NPC1L1: variants seen among roughly 807,000 people sequenced by gnomAD.
The protein encoded by NPC1L1 is NPC1-like intracellular cholesterol transporter 1.
Under a neutral mutation model 117.0 loss-of-function variants are expected in NPC1L1, and 98 were observed. The observed-to-expected ratio is 0.84, with a 90% CI of 0.71 to 0.99. The LOEUF is 0.99. Ranked by LOEUF, NPC1L1 falls within the 50% of genes least tolerant of loss-of-function variation. NPC1L1 has a pLI of 0.00. For synonymous variants in NPC1L1, 729 were observed against 727.6 expected, an observed-to-expected ratio of 1.00 and a Z score of -0.03; for missense variants, 1,540 against 1,710.0, an observed-to-expected ratio of 0.90 and a Z score of 1.75.
chr7:44,517,705 A>C (rs1233671548), intron 14 of NPC1L1, among the ~76,000 whole-genome samples: 1 of 152,212 alleles, frequency 6.6e-6, no homozygotes, highest in African/African-American at 2.4e-5. Context: ...TTTAATTTGC[A>C]TATTCCTATA....
At chr7:44,524,320 TATAAGA>T (rs1801443315) in intron 10 of NPC1L1, among the ~76,000 whole-genome samples, 1 of 152,054 alleles carries the variant, frequency 6.6e-6, no homozygotes, top group Non-Finnish European at 1.5e-5. Context: ...GCTACCACAT[TATAAGA>T]ATCAAATGTC....
At chr7:44,527,330 T>G (rs1451194634) in intron 10 of NPC1L1, among the ~76,000 whole-genome samples, 1 of 151,426 alleles carries the variant, frequency 6.6e-6, no homozygotes, top group East Asian at 2.0e-4. Flanking sequence ...TGGTGGCACA[T>G]GCCTGTAATC....
At position 44,539,485 on chromosome 7, in the gene NPC1L1, T is replaced by C. The variant is rs773612557; in HGVS notation, c.912A>G (p.Gly304=). The change falls in exon 2 of 19, where the codon GGA becomes GGG. Residue 304 remains glycine, a synonymous_variant. Transcript: ENST00000381160. The surrounding 1 kb of genome is among the most constrained non-coding windows in gnomAD (Gnocchi z 4.4). Reference sequence around the variant, plus strand: ...TGTCCCTGGCGGGGGCCACACGGAATCCCACAAGCAGGATGGTGACCACAG... The same window carrying C: ...TGTCCCTGGCGGGGGCCACACGGAACCCCACAAGCAGGATGGTGACCACAG... The part of the protein sequence containing the change: ...VFAVVTILLV[G]FRVAPARDKS... 1 of 1,613,792 alleles carries C rather than the reference T, an allele frequency of 6.2e-7. No homozygotes were observed. The highest frequency in any genetic ancestry group is 1.1e-5 in the South Asian group (1 of 91,066).
chr7:44,540,679 C>T (rs938244447), intron 1 of NPC1L1, among the ~76,000 whole-genome samples: 1 of 152,042 alleles, frequency 6.6e-6, no homozygotes, highest in Admixed American at 6.6e-5. Flanking sequence ...TACACCACAT[C>T]CAGAGGCCAG....
chr7:44,517,256 G>A lies in NPC1L1; in HGVS notation c.3238C>T (p.Leu1080=). The A allele has an allele frequency of 6.2e-7, 1 of 1,614,108 alleles. No homozygotes were observed. The highest frequency in any genetic ancestry group is 8.5e-7 in the Non-Finnish European group (1 of 1,180,014). ...RELAANITAD[L]RKVPGTDPAF... Reference sequence around the variant, plus strand: ...GGGTCTGTTCCAGGCACTTTCCGCAGGTCAGCAGTGATGTTGGCTGCCAGC... The same window carrying A: ...GGGTCTGTTCCAGGCACTTTCCGCAAGTCAGCAGTGATGTTGGCTGCCAGC... The change falls in exon 15 of 19, where the codon CTG becomes TTG. Residue 1080 remains leucine (L), a synonymous_variant. Transcript: ENST00000381160.
rs776843211 is a variant in NPC1L1, at chr7:44,513,396, C to T, written c.*51G>A. On this transcript the variant is annotated 3_prime_UTR_variant, in exon 19 of 19. Coordinates refer to ENST00000381160, the MANE Select transcript of NPC1L1 (RefSeq NM_001101648.2). ...AAGGGGCAGTCACAAGGAAGATCCC[C>T]ATAACCCTTTGGTTCAGGGCCATAG... is the stretch of plus-strand genomic sequence containing the variant. 1 of 1,559,484 alleles carries T rather than the reference C, an allele frequency of 6.4e-7. No individual in the cohort carries two copies. The highest frequency in any genetic ancestry group is 8.8e-7 in the Non-Finnish European group (1 of 1,130,838).
chr7:44,533,618 C>T lies in NPC1L1; in HGVS notation c.2282-60G>A, dbSNP rs1396608364. ...GCTTCAAGGGCAGAGTGGTAGCCGA[C>T]ATTGACAGGGTGCAGGGGGAAGGGA... On this transcript the variant is annotated intron_variant, in intron 7 of 18. Transcript: ENST00000381160. The T allele has an allele frequency of 1.1e-5, 17 of 1,613,336 alleles. No homozygotes were observed. The Admixed American group carries it at 2.2e-4, about 21-fold the overall frequency.
At position 44,538,692 on chromosome 7, in the gene NPC1L1, G is replaced by T; in HGVS notation, c.1580+125C>A. On this transcript the variant is annotated intron_variant, in intron 2 of 18. Coordinates refer to ENST00000381160, the MANE Select transcript of NPC1L1 (RefSeq NM_001101648.2). The surrounding 1 kb of genome is among the most constrained non-coding windows in gnomAD (Gnocchi z 5.9). ...ATCATCTGGGCGGCCCCAGGCCAGAGCCGTAGGAATAGCTACCTCTGGTCC... is the reference window on the plus strand; with the variant it reads ...ATCATCTGGGCGGCCCCAGGCCAGATCCGTAGGAATAGCTACCTCTGGTCC... 1 of 978,842 alleles carries T rather than the reference G, an allele frequency of 1.0e-6. No homozygotes were observed. Among genetic ancestry groups the T allele is most frequent in the Non-Finnish European group, 1.6e-6 (1 of 618,778 alleles). 60.6% of individuals were successfully genotyped at this position (978,842 alleles called of 1,614,324 possible).
In NPC1L1 at chr7:44,521,806, C is replaced by G; in HGVS notation, c.2859G>C (p.Trp953Cys). 9 of 1,614,078 alleles carry G rather than the reference C, an allele frequency of 5.6e-6. No individual in the cohort carries two copies. The highest frequency in any genetic ancestry group is 7.6e-6 in the Non-Finnish European group (9 of 1,180,012). The change falls in exon 12 of 19, where the codon TGG becomes TGC. Residue 953 changes from tryptophan (W) to cysteine (C), a missense_variant. By Grantham distance (215) the Trp-to-Cys change is radical. Transcript: ENST00000381160. ...QSYLAIPASSWVDDFIDWLTP... is the reference protein window; with the variant it reads ...QSYLAIPASSCVDDFIDWLTP... ...TCAGCCAGTCAATGAAGTCATCCAC[C>G]CAGGAGGAGGCAGGGATGGCCAGGT...
intron 8 of NPC1L1, among the ~76,000 whole-genome samples, chr7:44,532,498 C>T (rs1448708064): frequency 6.6e-6 from 1 of 152,190 alleles, no homozygotes; most frequent in Non-Finnish European, 1.5e-5. Flanking sequence ...CTCACTTATC[C>T]CTGGATTCTC....
chr7:44,531,982 T>TGATAC (rs1276071417), intron 9 of NPC1L1, 98 bp downstream of exon 9: 1 of 1,576,996 alleles, frequency 6.3e-7, no homozygotes, highest in Non-Finnish European at 8.7e-7. Flanking sequence ...AGTATCAGCA[T>TGATAC]TTGGGCCTAG....
rs1003595534 is a variant in NPC1L1 at position 44,516,789 on chromosome 7, T to C, written c.3433A>G (p.Ile1145Val). The change falls in exon 16 of 19, where the codon ATT becomes GTT. Residue 1145 changes from isoleucine (I) to valine (V), a missense_variant. Around this residue, in one of 3 missense-constraint regions of NPC1L1, gnomAD observed 742 missense variants for 873.6 expected, o/e 0.85. Transcript: ENST00000381160. ...ACAGTGTCCACGAGGATCATGACAA[T>C]GGAGAGCAGGTTGAGGAGGCCGGAG... ...LRSGLLNLLS[I>V]VMILVDTVGF... is the part of the protein sequence containing the mutation. 3.1e-6 allele frequency: 5 copies of C among 1,613,408 alleles called. No individual in the cohort carries two copies. Among genetic ancestry groups the C allele is most frequent in the African/African-American group, 1.3e-5 (1 of 74,656 alleles).
chr7:44,521,248 A>T, intron 12 of NPC1L1, 130 bp from the exon 13 acceptor site: 1 of 1,228,894 alleles, frequency 8.1e-7, no homozygotes, highest in East Asian at 2.4e-5. Flanking sequence ...TTCTAGGGGG[A>T]TTTGCATTTG....
chr7:44,513,691 G>C lies in NPC1L1; in HGVS notation c.3797-42C>G, dbSNP rs758919207. The C allele has an allele frequency of 2.0e-5, 32 of 1,598,684 alleles. 1 individual carries two copies. Among genetic ancestry groups the C allele is most frequent in the Non-Finnish European group, 2.3e-5 (27 of 1,172,890 alleles). On this transcript the variant is annotated intron_variant, in intron 18 of 18. Coordinates refer to ENST00000381160, the MANE Select transcript of NPC1L1 (RefSeq NM_001101648.2). ...AACCACAGTCAGAGAGGTGGGCAGG[G>C]GACACAGGTGAGAAGCTATTCCTGG...
rs764216861 is a variant in NPC1L1 at position 44,539,416 on chromosome 7, G to T, written c.981C>A (p.Asp327Glu). ...VDPKKGTSLS[D>E]KLSFSTHTLL... ...GGGTGTGGGTGGAGAAGCTGAGCTT[G>T]TCAGAGAGGCTGGTGCCCTTCTTGG... Residue 327 changes from aspartate (D) to glutamate (E), a missense_variant, in exon 2 of 19, where the codon GAC becomes GAA. By Grantham distance (45) the Asp-to-Glu change is conservative (BLOSUM62 2). This residue lies in a region of NPC1L1 where 793 missense variants were observed against 820.4 expected (regional missense o/e 0.97). Transcript: ENST00000381160. This position sits in a 1 kb window ranked among gnomAD's most constrained non-coding sequence, Gnocchi z 4.4. The T allele has an allele frequency of 6.2e-7, 1 of 1,614,138 alleles. No individual in the cohort carries two copies.
intron 1 of NPC1L1, among the ~76,000 whole-genome samples, chr7:44,540,930 A>AC (rs1208182870): frequency 6.6e-6 from 1 of 151,836 alleles, no homozygotes; most frequent in East Asian, 1.9e-4. Flanking sequence ...GCAGGCCTGG[A>AC]CCCCACAGTA....
In NPC1L1 at chr7:44,521,859, G is replaced by A. The variant is rs55870540; in HGVS notation, c.2829-23C>T. 2,890 of 1,613,798 alleles carry A rather than the reference G, an allele frequency of 1.8e-3. 8 individuals are homozygous for A. Among genetic ancestry groups the A allele is most frequent in the Middle Eastern group, 4.9e-3 (29 of 5,906 alleles). On this transcript the variant is annotated intron_variant, in intron 11 of 18. Transcript: ENST00000381160. ...GACCTAAGGGGCAGGTGGGAGGAAG[G>A]GTGAAAAGGCCAGCTGGGCAGGGTG...
chr7:44,514,011 C>T (rs2117014117), intron 18 of NPC1L1, among the ~76,000 whole-genome samples: 1 of 152,284 alleles, frequency 6.6e-6, no homozygotes, highest in Non-Finnish European at 1.5e-5. Flanking sequence ...CCACAAGAGA[C>T]ATGGTTAGGA....
intron 8 of NPC1L1, among the ~76,000 whole-genome samples, chr7:44,532,990 C>T (rs868861229): frequency 6.6e-6 from 1 of 152,062 alleles, no homozygotes; most frequent in Middle Eastern, 3.4e-3. Flanking sequence ...GCCTGTAATC[C>T]CAGTAATTGG....
Sources: gnomAD v4.1 joint callset for allele counts (sites outside exome capture counted in the v4.1 genomes callset) on GRCh38, gnomAD v4.1.1 for gene constraint, gnomAD v4.1.1 regional missense constraint, Gnocchi (gnomAD v3.1) non-coding constraint, MANE v1.5 for transcripts, NCBI Gene and HGNC (gene_info 2026-07-23, HGNC 2026-07-21) for gene names.